The following PTPRB variants were observed in gnomAD, a reference collection of about 807,000 sequenced individuals.
PTPRB encodes receptor-type tyrosine-protein phosphatase beta.
A neutral mutation model predicts 238.1 loss-of-function variants in PTPRB; 97 were observed. That is an observed-to-expected ratio of 0.41 (90% CI 0.35 to 0.48). The LOEUF (loss-of-function observed/expected upper bound fraction) is 0.48, where lower values mean the gene tolerates loss of function less well. Ranked by LOEUF, PTPRB falls within the 20% of genes least tolerant of loss-of-function variation. PTPRB has a pLI of 0.30. For synonymous variants in PTPRB, 970 were observed against 995.4 expected, an observed-to-expected ratio of 0.97 and a Z score of 0.48; for missense variants, 2,292 against 2,681.9, an observed-to-expected ratio of 0.85 and a Z score of 3.21.
intron 3 of PTPRB, among the ~76,000 whole-genome samples, chr12:70,617,355 C>T (rs139587704): frequency 7.9e-4 from 120 of 152,298 alleles, no homozygotes; most frequent in Admixed American, 2.2e-3. Flanking sequence ...TGAAACGTAT[C>T]CTCCCCACAA....
intron 32 of PTPRB, chr12:70,525,278 A>AGATGAATCCCAATTTC (rs1187244038): frequency 2.0e-5 from 3 of 152,200 alleles, no homozygotes; most frequent in Non-Finnish European, 2.9e-5. Flanking sequence ...CAGTTTTCTT[A>AGATGAATCCCAATTTC]GATGAATCCC....
chr12:70,599,976 G>GT (rs11471163), intron 4 of PTPRB, among the ~76,000 whole-genome samples: 1,490 of 137,918 alleles, frequency 0.011, 5 homozygotes, highest in South Asian at 0.018. Flanking sequence ...GAAAGACCCT[G>GT]TTTTTTTTTT....
Position 70,571,906 on chromosome 12 carries a change from T to G in PTPRB, c.3024A>C (p.Leu1008=). 6.2e-7 allele frequency: 1 copy of G among 1,613,936 alleles called. No individual in the cohort carries two copies. The highest frequency in any genetic ancestry group is 8.5e-7 in the Non-Finnish European group (1 of 1,179,790). The stretch of plus-strand genomic sequence containing the variant: ...TGACACTGTACAACCGTCCAGGGAC[T>G]AGCTGAACAAATACACATTCGTTTT... ...KSENECVFVQ[L]VPGRLYSVTV... The change falls in exon 12 of 34, where the codon CTA becomes CTC. Residue 1008 remains leucine (L), a synonymous_variant. Coordinates refer to ENST00000334414, the MANE Select transcript of PTPRB (RefSeq NM_001109754.4).
At chr12:70,604,091 A>C (rs1883743171) in intron 4 of PTPRB, among the ~76,000 whole-genome samples, 1 of 152,112 alleles carries the variant, frequency 6.6e-6, no homozygotes, top group South Asian at 2.1e-4. Context: ...AATTTAAAAA[A>C]CTAGCTGGGT....
chr12:70,608,316 T>C (rs893466131), intron 4 of PTPRB, among the ~76,000 whole-genome samples: 1 of 152,202 alleles, frequency 6.6e-6, no homozygotes, highest in Non-Finnish European at 1.5e-5. Context: ...GAGGATTAAA[T>C]GAGGTAATGT....
At chr12:70,532,655 C>T (rs531630054) in intron 31 of PTPRB, among the ~76,000 whole-genome samples, 10 of 151,946 alleles carry the variant, frequency 6.6e-5, no homozygotes, top group Non-Finnish European at 1.3e-4. Flanking sequence ...TCCCTCTTTC[C>T]GTCCTTCACA....
intron 19 of PTPRB, among the ~76,000 whole-genome samples, chr12:70,555,568 T>G (rs2136309208): frequency 6.6e-6 from 1 of 152,290 alleles, no homozygotes; most frequent in Non-Finnish European, 1.5e-5. Context: ...AGTTGTAGCT[T>G]CAAATTGCTT....
At chr12:70,550,525 T>G (rs78984652) in intron 21 of PTPRB, among the ~76,000 whole-genome samples, 292 of 152,310 alleles carry the variant, frequency 1.9e-3, no homozygotes, top group Non-Finnish European at 3.3e-3. Flanking sequence ...TACTCAGGAC[T>G]ACTACTTAGG....
rs201380795 is a variant in PTPRB, at chr12:70,609,795, C to A, written c.709-456G>T. On this transcript the variant is annotated intron_variant, in intron 3 of 33. Coordinates refer to ENST00000334414, the MANE Select transcript of PTPRB (RefSeq NM_001109754.4). ...GCTCAGTGTGATCCACAAGGCCAAC[C>A]CGGCTCCATGGCTCAGCATTGCGCT... 1.6e-4 allele frequency: 253 copies of A among 1,587,852 alleles called. 1 individual carries two copies. In the African/African-American group the frequency reaches 3.0e-3, roughly 19 times the overall value.
chr12:70,534,770 T>C, intron 30 of PTPRB, 63 bp downstream of exon 30: 1 of 1,602,798 alleles, frequency 6.2e-7, no homozygotes, highest in Non-Finnish European at 8.5e-7. Flanking sequence ...CCAGCGAAAG[T>C]GGGGTTCACA....
intron 2 of PTPRB, among the ~76,000 whole-genome samples, chr12:70,625,220 T>C (rs774938475): frequency 1.8e-4 from 28 of 152,216 alleles, no homozygotes; most frequent in Non-Finnish European, 3.7e-4. Context: ...AGATTTAGTC[T>C]TAACATTCAA....
intron 26 of PTPRB, chr12:70,539,331 A>G (rs1346754636): frequency 6.3e-5 from 34 of 540,264 alleles, no homozygotes; most frequent in Non-Finnish European, 1.0e-4. Context: ...GCAAATGGCC[A>G]GGCTGAATAT....
At position 70,520,787 on chromosome 12, in the gene PTPRB, A is replaced by G. The variant is rs961893473; in HGVS notation, c.*702T>C. The G allele has an allele frequency of 6.6e-6, 1 of 152,544 alleles. No homozygotes were observed. The highest frequency in any genetic ancestry group is 2.4e-5 in the African/African-American group (1 of 41,424). The allele number at this position is 152,544 out of a possible 1,614,324, so 9.4% of individuals were successfully genotyped here. On this transcript the variant is annotated 3_prime_UTR_variant, in exon 34 of 34. Coordinates refer to ENST00000334414, the MANE Select transcript of PTPRB (RefSeq NM_001109754.4). ...CTGTTTGGAATCATTCTCTATCAGAACCCTCAACCCTGCATCCTACCATCC... is the reference window on the plus strand; with the variant it reads ...CTGTTTGGAATCATTCTCTATCAGAGCCCTCAACCCTGCATCCTACCATCC...
rs980324123 is a variant in PTPRB at position 70,553,181 on chromosome 12, ATAAAGT to A, written c.5144-167_5144-162del. On this transcript the variant is annotated intron_variant, in intron 20 of 33. Transcript: ENST00000334414. ...CAAAGAACGATGTGAAATTCTCCTAATAAAGTTAATTTTAATTCACTTTTTCCAAAA... is the reference window on the plus strand; with the variant it reads ...CAAAGAACGATGTGAAATTCTCCTAATAATTTTAATTCACTTTTTCCAAAA... Among the ~76,000 whole-genome samples, 10 of 152,312 alleles carry A rather than the reference ATAAAGT, an allele frequency of 6.6e-5. No homozygotes were observed. The East Asian group carries it at 1.7e-3, about 26-fold the overall frequency.
chr12:70,602,564 A>T (rs1248493142), intron 4 of PTPRB, among the ~76,000 whole-genome samples: 1 of 152,210 alleles, frequency 6.6e-6, no homozygotes, highest in African/African-American at 2.4e-5. Context: ...GTTAGATGTG[A>T]TAATTATATT....
intron 4 of PTPRB, among the ~76,000 whole-genome samples, chr12:70,605,207 CT>C (rs1191928046): frequency 6.6e-6 from 1 of 152,146 alleles, no homozygotes; most frequent in Non-Finnish European, 1.5e-5. Context: ...GTAAAGTTAT[CT>C]ACCACTACAA....
At chr12:70,541,141 G>A in intron 22 of PTPRB, 184 bp from the exon 23 acceptor site, 1 of 571,984 alleles carries the variant, frequency 1.7e-6, no homozygotes, top group Non-Finnish European at 3.1e-6. Flanking sequence ...ATGATGAAAG[G>A]CTGGCTCCCA....
Position 70,576,602 on chromosome 12 carries a change from A to G in PTPRB, c.2622T>C (p.Arg874=). ...GCCAGGAAACGCTGAGGTAGTCATT[A>G]CGACCGGAATTGTTCACCGTTACTC... ...VSGVTVNNSG[R]NDYLSVSWLL... Residue 874 remains arginine, a synonymous_variant, in exon 11 of 34, where the codon CGT becomes CGC. Coordinates refer to ENST00000334414, the MANE Select transcript of PTPRB (RefSeq NM_001109754.4). The G allele has an allele frequency of 6.8e-7, 1 of 1,476,578 alleles. No homozygotes were observed. Among genetic ancestry groups the G allele is most frequent in the Non-Finnish European group, 9.0e-7 (1 of 1,105,056 alleles). The allele number at this position is 1,476,578 out of a possible 1,614,324, so 91.5% of individuals were successfully genotyped here.
intron 2 of PTPRB, among the ~76,000 whole-genome samples, chr12:70,624,122 A>G (rs61930332): frequency 0.031 from 4,653 of 152,298 alleles, 111 homozygotes; most frequent in South Asian, 0.11. Flanking sequence ...AAATAAAAAT[A>G]CATTCTATCC....
Sources: gnomAD v4.1 joint callset for allele counts (sites outside exome capture counted in the v4.1 genomes callset) on GRCh38, gnomAD v4.1.1 for gene constraint, MANE v1.5 for transcripts, NCBI Gene and HGNC (gene_info 2026-07-23, HGNC 2026-07-21) for gene names.